The following MYO10 variants were observed in gnomAD, a reference collection of about 807,000 sequenced individuals.
The protein encoded by MYO10 is unconventional myosin-X.
A neutral mutation model predicts 257.3 loss-of-function variants in MYO10; 133 were observed. That is an observed-to-expected ratio of 0.52 (90% CI 0.45 to 0.60). The LOEUF (loss-of-function observed/expected upper bound fraction) is 0.60, where lower values mean the gene tolerates loss of function less well. Ranked by LOEUF, MYO10 falls within the 20% of genes least tolerant of loss-of-function variation. The pLI, the probability that MYO10 is intolerant of heterozygous loss-of-function variation, is 0.00. For missense variants in MYO10, 2,399 were observed against 2,635.7 expected (o/e 0.91, Z 1.97); for synonymous variants, 1,104 against 1,028.6 (o/e 1.07, Z -1.40).
intron 2 of MYO10, among the ~76,000 whole-genome samples, chr5:16,820,172 CATCAACACCATGGAAG>C (rs1346187091): frequency 1.3e-5 from 2 of 152,222 alleles, no homozygotes; most frequent in African/African-American, 4.8e-5. Flanking sequence ...CATTTTAAGT[CATCAACACCATGGAAG>C]AAAGTTAAGA....
chr5:16,893,816 A>G (rs1434055590), intron 1 of MYO10, among the ~76,000 whole-genome samples: 1 of 151,956 alleles, frequency 6.6e-6, no homozygotes, highest in Non-Finnish European at 1.5e-5. Context: ...GACTAGCCCT[A>G]GTTATATCCC....
chr5:16,777,589 A>G (rs538977587), intron 9 of MYO10, among the ~76,000 whole-genome samples: 11 of 152,200 alleles, frequency 7.2e-5, no homozygotes, highest in African/African-American at 2.6e-4. Flanking sequence ...CGCGGTTTAG[A>G]GTGTGGGATC....
intron 2 of MYO10, among the ~76,000 whole-genome samples, chr5:16,852,526 T>C (rs946342831): frequency 4.0e-5 from 6 of 151,842 alleles, no homozygotes; most frequent in African/African-American, 1.5e-4. Flanking sequence ...TTCTTAACGG[T>C]TTTGTGAATT....
intron 19 of MYO10, among the ~76,000 whole-genome samples, chr5:16,731,008 C>A (rs1739560151): frequency 1.3e-5 from 2 of 149,652 alleles, no homozygotes; most frequent in Admixed American, 6.6e-5. Context: ...ACCTCCAAGG[C>A]TGGCACAAGT....
intron 2 of MYO10, among the ~76,000 whole-genome samples, chr5:16,845,465 C>T (rs113953507): frequency 1.9e-3 from 288 of 152,050 alleles, no homozygotes; most frequent in African/African-American, 6.6e-3. Flanking sequence ...GAAGGAGTTC[C>T]GCACCAGCCT....
At chr5:16,687,131 G>C (rs1561181678) in intron 28 of MYO10, among the ~76,000 whole-genome samples, 1 of 151,886 alleles carries the variant, frequency 6.6e-6, no homozygotes, top group South Asian at 2.1e-4. Flanking sequence ...AGACCAGCCT[G>C]GGAAATTTAC....
chr5:16,702,308 G>A (rs903529942), intron 24 of MYO10, among the ~76,000 whole-genome samples: 6 of 152,312 alleles, frequency 3.9e-5, no homozygotes, highest in African/African-American at 1.4e-4. Flanking sequence ...AAACTAACAC[G>A]CTGGTTATAC....
chr5:16,779,890 C>A (rs981295332), intron 8 of MYO10, among the ~76,000 whole-genome samples: 1 of 152,128 alleles, frequency 6.6e-6, no homozygotes, highest in African/African-American at 2.4e-5. Context: ...TTTGTTTTCT[C>A]TTAAAAAATC....
At chr5:16,796,881 G>T (rs1741988867) in intron 3 of MYO10, among the ~76,000 whole-genome samples, 2 of 152,136 alleles carry the variant, frequency 1.3e-5, no homozygotes, top group Admixed American at 6.5e-5. Flanking sequence ...AGGCCATTAG[G>T]GTGGGCCCTA....
intron 19 of MYO10, among the ~76,000 whole-genome samples, chr5:16,740,136 C>T (rs564906159): frequency 8.3e-4 from 126 of 152,204 alleles, no homozygotes; most frequent in Non-Finnish European, 1.6e-3. Context: ...GCAGTCCACC[C>T]CTAACCTCTG....
chr5:16,924,562 AG>A (rs1417896260), intron 1 of MYO10, among the ~76,000 whole-genome samples: 1 of 152,206 alleles, frequency 6.6e-6, no homozygotes, highest in Non-Finnish European at 1.5e-5. Flanking sequence ...ATAATCAAAT[AG>A]GCACGCAATG....
chr5:16,854,727 A>G (rs149571674), intron 2 of MYO10, among the ~76,000 whole-genome samples: 1 of 152,318 alleles, frequency 6.6e-6, no homozygotes, highest in East Asian at 1.9e-4. Flanking sequence ...AATTAAAACA[A>G]AACAAAACAA....
intron 9 of MYO10, among the ~76,000 whole-genome samples, chr5:16,772,706 C>T (rs1225450289): frequency 6.6e-6 from 1 of 152,134 alleles, no homozygotes; most frequent in Non-Finnish European, 1.5e-5. Flanking sequence ...AAAAATGAGA[C>T]AATCAATGGG....
chr5:16,674,728 C>T lies in MYO10; in HGVS notation c.4964+125G>A, dbSNP rs1015865580. ...TTGCTCAGGCAACCCACAAGTCTGA[C>T]CCAGAGGTCCCTGTCCTACTAGAGG... On this transcript the variant is annotated intron_variant, in intron 35 of 40. Transcript: ENST00000513610. 59 of 1,121,584 alleles carry T rather than the reference C, an allele frequency of 5.3e-5. 1 individual carries two copies. The South Asian group carries it at 6.9e-4, about 13-fold the overall frequency. 69.5% of individuals were successfully genotyped at this position (1,121,584 alleles called of 1,614,324 possible).
At chr5:16,747,191 C>G (rs570779966) in intron 19 of MYO10, among the ~76,000 whole-genome samples, 1 of 152,020 alleles carries the variant, frequency 6.6e-6, no homozygotes, top group African/African-American at 2.4e-5. Flanking sequence ...GTAGACAGGG[C>G]GAAGGAGCAT....
intron 2 of MYO10, among the ~76,000 whole-genome samples, chr5:16,862,729 G>C (rs1744141216): frequency 6.6e-6 from 1 of 152,108 alleles, no homozygotes. Flanking sequence ...AGTATTCACA[G>C]GGACCAAAAA....
intron 33 of MYO10, among the ~76,000 whole-genome samples, chr5:16,677,330 G>A (rs1736773456): frequency 6.7e-6 from 1 of 148,156 alleles, no homozygotes; most frequent in East Asian, 2.0e-4. Context: ...GCATGGCTTT[G>A]TATTTGAAAA....
intron 22 of MYO10, among the ~76,000 whole-genome samples, chr5:16,704,129 T>C (rs1738219107): frequency 6.6e-6 from 1 of 151,884 alleles, no homozygotes; most frequent in Non-Finnish European, 1.5e-5. Context: ...GAGACCCTCC[T>C]GGGCAACATG....
rs191193630 is a variant in MYO10 at position 16,770,563 on chromosome 5, G to T, written c.931-1360C>A. ...GTGACCAAAAAAAGCTATTAAAAAA[G>T]AAAAGAAAACCAGACACGTACACAC... is the stretch of plus-strand genomic sequence containing the variant. On this transcript the variant is annotated intron_variant, in intron 9 of 40. Coordinates refer to ENST00000513610, the MANE Select transcript of MYO10 (RefSeq NM_012334.3). Among the ~76,000 whole-genome samples, 967 of 152,182 alleles carry T rather than the reference G, an allele frequency of 6.4e-3. 7 individuals are homozygous for T. The highest frequency in any genetic ancestry group is 0.022 in the African/African-American group (916 of 41,538).
Sources: allele counts gnomAD v4.1 joint callset (sites outside exome capture counted in the v4.1 genomes callset), GRCh38; gene constraint gnomAD v4.1.1; transcripts MANE v1.5; gene names NCBI Gene and HGNC (gene_info 2026-07-23, HGNC 2026-07-21).